Variants in FRMD4B observed in about 807,000 individuals in gnomAD.
FRMD4B encodes the protein FERM domain containing 4B.
FRMD4B carries 74 observed loss-of-function variants against 141.5 expected under a neutral mutation model. That is an observed-to-expected ratio of 0.52 (90% CI 0.43 to 0.63). The LOEUF (loss-of-function observed/expected upper bound fraction) is 0.63, where lower values mean the gene tolerates loss of function less well. Among genes scored for constraint, FRMD4B ranks in the 30% least tolerant of loss-of-function variants. The probability of loss-of-function intolerance (pLI) is 0.00; values close to 1 mark genes in which losing one functional copy is unlikely to be tolerated. For synonymous variants in FRMD4B, 506 were observed against 467.9 expected, an observed-to-expected ratio of 1.08 and a Z score of -1.05; for missense variants, 1,366 against 1,253.4, an observed-to-expected ratio of 1.09 and a Z score of -1.36.
At chr3:69,287,578 G>C in intron 5 of FRMD4B, 174 bp downstream of exon 5, 2 of 563,774 alleles carry the variant, frequency 3.5e-6, no homozygotes, top group Non-Finnish European at 6.3e-6. Context: ...CAGAATTTGA[G>C]AAAAGATACC....
At chr3:69,475,900 A>C (rs1343220048) in intron 1 of FRMD4B, among the ~76,000 whole-genome samples, 2 of 151,736 alleles carry the variant, frequency 1.3e-5, no homozygotes, top group Non-Finnish European at 2.9e-5. Context: ...TTGCCATTCT[A>C]ACTGGTGTGA....
At chr3:69,389,148 T>G (rs1323585786), upstream of FRMD4B, among the ~76,000 whole-genome samples, 1 of 151,730 alleles carries the variant, frequency 6.6e-6, no homozygotes, top group African/African-American at 2.4e-5. Context: ...ATTCTCCTGC[T>G]TCAGCCTCCC....
chr3:69,368,805 A>T (rs1703743019), intron 1 of FRMD4B, among the ~76,000 whole-genome samples: 1 of 152,118 alleles, frequency 6.6e-6, no homozygotes, highest in African/African-American at 2.4e-5. Context: ...CTACAGGTAC[A>T]CACCACCATA....
chr3:69,332,196 A>AC (rs1389579343), intron 1 of FRMD4B, among the ~76,000 whole-genome samples: 2 of 152,096 alleles, frequency 1.3e-5, no homozygotes, highest in African/African-American at 4.8e-5. Flanking sequence ...AGCAGGTTCC[A>AC]CTCTGTCCCT....
chr3:69,303,237 G>A (rs1032762246), intron 3 of FRMD4B, among the ~76,000 whole-genome samples: 4 of 151,942 alleles, frequency 2.6e-5, no homozygotes, highest in Admixed American at 1.3e-4. Context: ...ATGATCGCTC[G>A]AGCCCAGGTG....
At chr3:69,422,857 T>G (rs1559523331) in intron 2 of FRMD4B, among the ~76,000 whole-genome samples, 1 of 151,998 alleles carries the variant, frequency 6.6e-6, no homozygotes, top group East Asian at 1.9e-4. Context: ...GTGCTGAATT[T>G]GGCCCACAGG....
chr3:69,379,105 A>G (rs1704047925), intron 1 of FRMD4B, among the ~76,000 whole-genome samples: 1 of 152,164 alleles, frequency 6.6e-6, no homozygotes. Flanking sequence ...TTGTGTTTCT[A>G]ACACCTTGGC....
Position 69,241,782 on chromosome 3 carries a change from T to C in FRMD4B, c.581+7444A>G, listed in dbSNP as rs899776604. On this transcript the variant is annotated intron_variant, in intron 7 of 22. Coordinates refer to ENST00000398540, the MANE Select transcript of FRMD4B (RefSeq NM_015123.3). ...GCATGGTGGCTAATTTCAAGAAGAATTGCTTGAACCCAGGAGGCGGAGTTT... is the reference window on the plus strand; with the variant it reads ...GCATGGTGGCTAATTTCAAGAAGAACTGCTTGAACCCAGGAGGCGGAGTTT... Among the ~76,000 whole-genome samples the C allele has an allele frequency of 1.1e-4, 16 of 151,954 alleles. 1 individual carries two copies. Among genetic ancestry groups the C allele is most frequent in the Admixed American group, 9.8e-4 (15 of 15,250 alleles).
intron 12 of FRMD4B, chr3:69,198,458 G>A (rs938960056): frequency 1.3e-5 from 6 of 452,958 alleles, no homozygotes; most frequent in Middle Eastern, 5.9e-4. Context: ...AGGATGTGTC[G>A]GCATTGGAAC....
At chr3:69,253,543 T>A (rs1436857106) in intron 5 of FRMD4B, among the ~76,000 whole-genome samples, 1 of 152,152 alleles carries the variant, frequency 6.6e-6, no homozygotes, top group East Asian at 1.9e-4. Flanking sequence ...CATGGAAACT[T>A]ATCTGTGCTA....
chr3:69,352,248 T>C (rs9861135), intron 1 of FRMD4B, among the ~76,000 whole-genome samples: 105,347 of 151,854 alleles, frequency 0.69, 37,385 homozygotes, highest in African/African-American at 0.83. Flanking sequence ...CACCATAATG[T>C]CACTCTGAGA....
At chr3:69,439,179 A>C (rs748971309) in intron 1 of FRMD4B, among the ~76,000 whole-genome samples, 1 of 152,188 alleles carries the variant, frequency 6.6e-6, no homozygotes, top group Non-Finnish European at 1.5e-5. Flanking sequence ...GTTTTTTGCG[A>C]TCTAGATTAT....
At chr3:69,307,860 G>C (rs1255854676) in intron 3 of FRMD4B, among the ~76,000 whole-genome samples, 4 of 152,092 alleles carry the variant, frequency 2.6e-5, no homozygotes, top group Non-Finnish European at 5.9e-5. Flanking sequence ...CATGGACTGG[G>C]TGTGCCTCCT....
In FRMD4B at chr3:69,412,840, C is replaced by CTTTT. The variant is rs869150440; in HGVS notation, c.-1+19790_-1+19793dup. Among the ~76,000 whole-genome samples, 6 of 54,272 alleles carry CTTTT rather than the reference C, an allele frequency of 1.1e-4. 1 individual carries two copies. Among genetic ancestry groups the CTTTT allele is most frequent in the East Asian group, 1.8e-3 (2 of 1,128 alleles). The allele number at this position is 54,272 out of a possible 152,430, so 35.6% of individuals were successfully genotyped here. ...AAGAGAATTCCAATGAGAAGCTCCA[C>CTTTT]TTTTTTTTTTTTTTTTTTTTTTTTT... On this transcript the variant is annotated intron_variant, in intron 2 of 5. Coordinates refer to the FRMD4B transcript ENST00000459638.
chr3:69,385,973 A>G lies in FRMD4B; in HGVS notation c.17T>C (p.Met6Thr), dbSNP rs746016199. 13 of 1,599,874 alleles carry G rather than the reference A, an allele frequency of 8.1e-6. No individual in the cohort carries two copies. Among genetic ancestry groups the G allele is most frequent in the African/African-American group, 1.3e-5 (1 of 74,328 alleles). The change falls in exon 1 of 23, where the codon ATG (methionine) becomes ACG (threonine). Residue 6 changes from methionine to threonine, a missense_variant. Coordinates refer to ENST00000398540, the MANE Select transcript of FRMD4B (RefSeq NM_015123.3). MASVF[M>T]CGVEDLLFSG... ...GAACAGCAGGTCCTCCACGCCACAC[A>G]TGAACACCGAAGCCATGCCTCCTCC...
chr3:69,185,129 T>G (rs955560368), intron 19 of FRMD4B, among the ~76,000 whole-genome samples: 4 of 151,704 alleles, frequency 2.6e-5, no homozygotes, highest in African/African-American at 7.3e-5. Flanking sequence ...TGAAACACCG[T>G]CTCTACTAAA....
At chr3:69,175,872 T>C (rs1054569530) in intron 22 of FRMD4B, among the ~76,000 whole-genome samples, 17 of 145,124 alleles carry the variant, frequency 1.2e-4, no homozygotes, top group Admixed American at 2.2e-4. Context: ...GCTCTGCCTC[T>C]GGGGTTCACG....
chr3:69,528,280 T>C (rs1700959707), intron 1 of FRMD4B, among the ~76,000 whole-genome samples: 1 of 146,494 alleles, frequency 6.8e-6, no homozygotes, highest in Admixed American at 6.8e-5. Flanking sequence ...CTACCTTCCT[T>C]CCTTCCTTTT....
In FRMD4B at chr3:69,207,859, C is replaced by A. The variant is rs113276647; in HGVS notation, c.876+8404G>T. 2.1e-3 allele frequency among the ~76,000 whole-genome samples: 319 copies of A among 152,108 alleles called. 2 individuals are homozygous for A. Among genetic ancestry groups the A allele is most frequent in the African/African-American group, 7.3e-3 (302 of 41,506 alleles). On this transcript the variant is annotated intron_variant, in intron 11 of 22. Transcript: ENST00000398540. ...ACATCTGATGGTTCTGCCTGTCTGG[C>A]AGCCACTTCCTTTTCTTCTAGCAGC...
Sources: allele counts gnomAD v4.1 joint callset (sites outside exome capture counted in the v4.1 genomes callset), GRCh38; gene constraint gnomAD v4.1.1; transcripts MANE v1.5; gene names NCBI Gene and HGNC (gene_info 2026-07-23, HGNC 2026-07-21).